TASP1: variants seen among roughly 807,000 people sequenced by gnomAD.
TASP1 encodes the protein threonine aspartase 1.
In TASP1, 16 loss-of-function variants were observed where a neutral mutation model predicts 56.6. The ratio of observed to expected loss-of-function variants is 0.28; its 90% CI spans 0.19 to 0.43. The LOEUF (loss-of-function observed/expected upper bound fraction) is 0.43. Among genes scored for constraint, TASP1 ranks in the 20% least tolerant of loss-of-function variants. TASP1 has a pLI of 1.00. For synonymous variants in TASP1, 179 were observed against 184.2 expected (o/e 0.97, Z 0.23); for missense variants, 393 against 511.6 (o/e 0.77, Z 2.24).
At chr20:13,292,514 T>C in the TASP1 span, 1 of 1,184,998 alleles carries the variant, frequency 8.4e-7, no homozygotes, top group South Asian at 1.3e-5. Flanking sequence ...GCCTCGGAGA[T>C]TCCTTTTGCT....
At chr20:13,148,231 A>G in the TASP1 span, among the ~76,000 whole-genome samples, 2 of 151,944 alleles carry the variant, frequency 1.3e-5, no homozygotes, top group Non-Finnish European at 2.9e-5. Flanking sequence ...TTTGTGTTTT[A>G]TTTGTTTTTC....
In TASP1 at chr20:13,534,115, C is replaced by T. The variant is rs779802572; in HGVS notation, c.702G>A (p.Thr234=). Residue 234 remains threonine (T), a synonymous_variant, in exon 9 of 14, where the codon ACG becomes ACA. Transcript: ENST00000337743. ...CGTGGTCCACAACCACAGCGCCTACCGTGTCCAAAGTGCCTGAGTCATTTT... is the reference window on the plus strand; with the variant it reads ...CGTGGTCCACAACCACAGCGCCTACTGTGTCCAAAGTGCCTGAGTCATTTT... ...EKENDSGTLD[T]VGAVVVDHEG... The T allele has an allele frequency of 1.9e-5, 31 of 1,613,472 alleles. No individual in the cohort carries two copies. The highest frequency in any genetic ancestry group is 3.3e-5 in the Admixed American group (2 of 59,948).
chr20:13,498,495 A>G (rs1470719991), intron 10 of TASP1, among the ~76,000 whole-genome samples: 1 of 151,878 alleles, frequency 6.6e-6, no homozygotes. Context: ...AGTAGCTGGT[A>G]CTACAGGCAC....
chr20:13,469,011 T>C (rs1345019294), intron 11 of TASP1, among the ~76,000 whole-genome samples: 2 of 152,154 alleles, frequency 1.3e-5, no homozygotes, highest in Non-Finnish European at 2.9e-5. Flanking sequence ...CTAACCTTTA[T>C]AATCAAGTCC....
At chr20:13,123,897 T>C in the TASP1 span, among the ~76,000 whole-genome samples, 2 of 151,102 alleles carry the variant, frequency 1.3e-5, no homozygotes, top group Non-Finnish European at 3.0e-5. Context: ...TAGGGAGATA[T>C]TCACTCTCAA....
At chr20:13,221,658 C>G in the TASP1 span, 1 of 859,598 alleles carries the variant, frequency 1.2e-6, no homozygotes, top group Non-Finnish European at 1.5e-6. Context: ...GGAGCCCTGG[C>G]GGGAGCCGAG....
intron 13 of TASP1, among the ~76,000 whole-genome samples, chr20:13,415,743 G>A (rs1446461106): frequency 3.9e-5 from 6 of 152,132 alleles, no homozygotes; most frequent in South Asian, 4.2e-4. Context: ...TGTCTTTCAC[G>A]GGCCACCAGC....
At chr20:13,574,815 G>GA (rs2147168535) in intron 6 of TASP1, among the ~76,000 whole-genome samples, 1 of 152,018 alleles carries the variant, frequency 6.6e-6, no homozygotes, top group African/African-American at 2.4e-5. Flanking sequence ...AAAAAACAAT[G>GA]AAAAAAGTAA....
At chr20:13,378,811 C>T in the TASP1 span, among the ~76,000 whole-genome samples, 1 of 152,044 alleles carries the variant, frequency 6.6e-6, no homozygotes, top group Non-Finnish European at 1.5e-5. Flanking sequence ...TGCATTGATC[C>T]CTTTACCATT....
intron 11 of TASP1, among the ~76,000 whole-genome samples, chr20:13,472,239 T>G (rs2044533286): frequency 6.6e-6 from 1 of 150,762 alleles, no homozygotes; most frequent in Admixed American, 6.6e-5. Context: ...GGGGAAAGGA[T>G]TCCCTATTTA....
At chr20:13,222,035 G>GT in the TASP1 span, 3 of 983,528 alleles carry the variant, frequency 3.1e-6, no homozygotes, top group East Asian at 1.0e-4. Context: ...AAGAGCAACT[G>GT]TTTTGGCAGT....
At chr20:13,189,530 G>A in the TASP1 span, among the ~76,000 whole-genome samples, 1 of 152,006 alleles carries the variant, frequency 6.6e-6, no homozygotes, top group Non-Finnish European at 1.5e-5. Context: ...ACATCTCAAA[G>A]TGGCCAACAA....
At chr20:13,155,404 A>G in the TASP1 span, among the ~76,000 whole-genome samples, 21 of 152,214 alleles carry the variant, frequency 1.4e-4, no homozygotes, top group African/African-American at 4.1e-4. Flanking sequence ...AAAAGTACCA[A>G]TAAAAGAGGT....
the TASP1 span, among the ~76,000 whole-genome samples, chr20:13,118,565 T>C: frequency 6.6e-6 from 1 of 152,128 alleles, no homozygotes; most frequent in Non-Finnish European, 1.5e-5. Context: ...AGGAGCCAGT[T>C]ATCTGAACAA....
the TASP1 span, among the ~76,000 whole-genome samples, chr20:13,230,301 T>C: frequency 2.6e-5 from 4 of 152,246 alleles, no homozygotes; most frequent in African/African-American, 7.2e-5. Context: ...TGTTCACTTT[T>C]TTTTCTTCCC....
the TASP1 span, among the ~76,000 whole-genome samples, chr20:13,207,909 G>A: frequency 3.4e-4 from 51 of 151,928 alleles, no homozygotes; most frequent in African/African-American, 1.0e-3. Flanking sequence ...AACACTCCAC[G>A]GGAAAACAAT....
At chr20:13,126,644 C>T in the TASP1 span, 3 of 1,614,060 alleles carry the variant, frequency 1.9e-6, no homozygotes, top group East Asian at 2.2e-5. Context: ...ATGCTTCATC[C>T]ATGAGCCCAC....
Position 13,390,447 on chromosome 20 carries a change from G to T in TASP1, c.1176C>A (p.His392Gln), listed in dbSNP as rs758004175. Residue 392 changes from histidine to glutamine, a missense_variant, in exon 14 of 14, where the codon CAC becomes CAA. His to Gln is a conservative substitution (Grantham distance 24). Around this residue, in one of 3 missense-constraint regions of TASP1, gnomAD observed 293 missense variants for 354.2 expected, o/e 0.83. Coordinates refer to ENST00000337743, the MANE Select transcript of TASP1 (RefSeq NM_017714.3). The stretch of plus-strand genomic sequence containing the variant: ...CCGCACCAGGAGGAAGTCTTGAAAT[G>T]TGAGTCTGCAGAGAGAGAGAGACAG... ...MSAQDGKAKT[H>Q]ISRLPPGAVA... The T allele has an allele frequency of 6.2e-7, 1 of 1,613,448 alleles. No individual in the cohort carries two copies. The highest frequency in any genetic ancestry group is 8.5e-7 in the Non-Finnish European group (1 of 1,179,778).
At chr20:13,593,270 C>A (rs940962218) in intron 4 of TASP1, among the ~76,000 whole-genome samples, 1 of 152,162 alleles carries the variant, frequency 6.6e-6, no homozygotes, top group Non-Finnish European at 1.5e-5. Context: ...CAGCTCCGGT[C>A]TGCAGCTCCC....
Sources: gnomAD v4.1 joint callset for allele counts (sites outside exome capture counted in the v4.1 genomes callset) on GRCh38, gnomAD v4.1.1 for gene constraint, gnomAD v4.1.1 regional missense constraint, MANE v1.5 for transcripts, NCBI Gene and HGNC (gene_info 2026-07-23, HGNC 2026-07-21) for gene names.